PTPRJ: variants seen among roughly 807,000 people sequenced by gnomAD.
The protein encoded by PTPRJ is receptor-type tyrosine-protein phosphatase eta.
Under a neutral mutation model 141.3 loss-of-function variants are expected in PTPRJ, and 129 were observed. That is an observed-to-expected ratio of 0.91 (90% CI 0.79 to 1.06). The LOEUF is 1.06. Among genes scored for constraint, PTPRJ ranks in the 50% least tolerant of loss-of-function variants. The pLI, the probability that PTPRJ is intolerant of heterozygous loss-of-function variation, is 0.00. For synonymous variants in PTPRJ, 610 were observed against 640.5 expected (o/e 0.95, Z 0.72); for missense variants, 1,601 against 1,679.7 (o/e 0.95, Z 0.82).
Position 47,980,688 on chromosome 11 carries a change from C to G in PTPRJ, c.-225C>G, listed in dbSNP as rs980435369. The G allele has an allele frequency of 3.0e-6, 3 of 989,856 alleles. No individual in the cohort carries two copies. Among genetic ancestry groups the G allele is most frequent in the Non-Finnish European group, 3.6e-6 (3 of 834,280 alleles). The allele number at this position is 989,856 out of a possible 1,614,324, so 61.3% of individuals were successfully genotyped here. A position where few individuals can be genotyped will look rare whatever the true frequency, so the allele number is the denominator to read the frequency against. ...AGCCCCTGCGCGCTCAGGGACGCGG[C>G]CCCCCCGCGGCAGCCGCGCTAGGCT... On this transcript the variant is annotated 5_prime_UTR_variant, in exon 1 of 25. Transcript: ENST00000418331.
intron 1 of PTPRJ, among the ~76,000 whole-genome samples, chr11:48,083,880 C>G (rs1460194473): frequency 6.6e-6 from 1 of 152,186 alleles, no homozygotes; most frequent in African/African-American, 2.4e-5. Flanking sequence ...TCTGTGAGGT[C>G]TGTGAGGTCA....
In PTPRJ at chr11:48,094,900, T is replaced by C. The variant is rs2134304032; in HGVS notation, c.97-15158T>C. 2.0e-5 allele frequency among the ~76,000 whole-genome samples: 3 copies of C among 152,274 alleles called. No individual in the cohort carries two copies. In the South Asian group the frequency reaches 6.2e-4, roughly 32 times the overall value. ...TAAGTTCTGGGTAGTGATGGGTCTT[T>C]GGAGGGGCAGCCCTTTCTGCCATGT... On this transcript the variant is annotated intron_variant, in intron 1 of 24. Transcript: ENST00000418331.
At chr11:48,054,615 C>T (rs1358463114) in intron 1 of PTPRJ, among the ~76,000 whole-genome samples, 1 of 152,022 alleles carries the variant, frequency 6.6e-6, no homozygotes, top group African/African-American at 2.4e-5. Flanking sequence ...TCTCTGTGGT[C>T]TTGCCCACGG....
chr11:47,990,640 G>C (rs1341824939), intron 1 of PTPRJ, among the ~76,000 whole-genome samples: 2 of 150,830 alleles, frequency 1.3e-5, no homozygotes, highest in East Asian at 3.9e-4. Context: ...TGGAACTGCT[G>C]ACCTCAAGTG....
At chr11:48,112,607 G>A (rs1392993463) in intron 2 of PTPRJ, 140 bp from the exon 3 acceptor site, 22 of 677,652 alleles carry the variant, frequency 3.2e-5, no homozygotes, top group Admixed American at 1.6e-4. Flanking sequence ...TGTTGTAGGT[G>A]ATGATACAAA....
intron 1 of PTPRJ, among the ~76,000 whole-genome samples, chr11:48,046,904 ATATATATATTTTT>A (rs1247204765): frequency 1.3e-4 from 12 of 93,088 alleles, no homozygotes; most frequent in African/African-American, 5.8e-4. Context: ...ATATATATAT[ATATATATATTTTT>A]TTTTTTTTTT....
chr11:48,145,551 A>G (rs1480636710), intron 14 of PTPRJ, among the ~76,000 whole-genome samples: 1 of 108,608 alleles, frequency 9.2e-6, no homozygotes, highest in Non-Finnish European at 1.9e-5. Context: ...TGTTTATTTT[A>G]TTTTATGTTT....
rs535290947 is a variant in PTPRJ, at chr11:48,079,889, A to G, written c.97-30169A>G. 1.1e-4 allele frequency among the ~76,000 whole-genome samples: 16 copies of G among 152,266 alleles called. No individual in the cohort carries two copies. The South Asian group carries it at 1.5e-3, about 14-fold the overall frequency. On this transcript the variant is annotated intron_variant, in intron 1 of 24. Transcript: ENST00000418331. The stretch of plus-strand genomic sequence containing the variant: ...CTGCCCACTGAACTCTCTAAATGTT[A>G]AAAGATACAAAGAGGAAGCACAGAG...
intron 19 of PTPRJ, among the ~76,000 whole-genome samples, chr11:48,154,252 C>A (rs1214790766): frequency 6.6e-6 from 1 of 152,194 alleles, no homozygotes; most frequent in East Asian, 1.9e-4. Context: ...TGTTCTTAAC[C>A]CCTCTGTCTC....
Position 48,129,310 on chromosome 11 carries a change from A to C in PTPRJ, c.1358-1149A>C, listed in dbSNP as rs143422163. 2.0e-5 allele frequency among the ~76,000 whole-genome samples: 3 copies of C among 152,328 alleles called. No individual in the cohort carries two copies. In the East Asian group the frequency reaches 5.8e-4, roughly 29 times the overall value. On this transcript the variant is annotated intron_variant, in intron 7 of 24. Coordinates refer to ENST00000418331, the MANE Select transcript of PTPRJ (RefSeq NM_002843.4). ...GAGGCTGAAGGTCAAAGATTAAGGCAACGGCAGGTGTGGTTTCTTCTGAGG... is the reference window on the plus strand; with the variant it reads ...GAGGCTGAAGGTCAAAGATTAAGGCCACGGCAGGTGTGGTTTCTTCTGAGG...
chr11:48,032,901 G>A (rs1854020787), intron 1 of PTPRJ, among the ~76,000 whole-genome samples: 1 of 152,094 alleles, frequency 6.6e-6, no homozygotes, highest in Admixed American at 6.5e-5. Flanking sequence ...GCTTACGTTT[G>A]GTGGAAGAGA....
chr11:48,109,927 C>T (rs569270091), intron 1 of PTPRJ, 131 bp from the exon 2 acceptor site: 7 of 1,004,596 alleles, frequency 7.0e-6, no homozygotes, highest in Non-Finnish European at 1.1e-5. Flanking sequence ...TAACCCTGAC[C>T]AGCAGACCTT....
intron 1 of PTPRJ, among the ~76,000 whole-genome samples, chr11:48,008,945 G>A (rs1451261885): frequency 1.3e-5 from 2 of 152,228 alleles, no homozygotes; most frequent in African/African-American, 4.8e-5. Flanking sequence ...AAACTGGGGG[G>A]TGGGTTGGGA....
At chr11:48,026,957 C>T (rs1019356165) in intron 1 of PTPRJ, among the ~76,000 whole-genome samples, 1 of 149,958 alleles carries the variant, frequency 6.7e-6, no homozygotes, top group African/African-American at 2.5e-5. Context: ...AAATAAGGCT[C>T]CATGACAATG....
At chr11:47,996,334 CA>C (rs1292092161) in intron 1 of PTPRJ, among the ~76,000 whole-genome samples, 202 of 56,204 alleles carry the variant, frequency 3.6e-3, no homozygotes, top group South Asian at 5.9e-3. Context: ...GACTCTGTCT[CA>C]AAAAAAAAAA....
At chr11:48,159,880 G>A (rs1857721561) in intron 21 of PTPRJ, 50 bp from the exon 22 acceptor site, 2 of 1,606,068 alleles carry the variant, frequency 1.2e-6, no homozygotes, top group African/African-American at 1.3e-5. Flanking sequence ...TTTTAGTGAT[G>A]GCAGATGGCA....
chr11:48,011,826 T>C (rs1350105289), intron 1 of PTPRJ, among the ~76,000 whole-genome samples: 2 of 152,074 alleles, frequency 1.3e-5, no homozygotes, highest in Non-Finnish European at 2.9e-5. Context: ...CACACCTGGC[T>C]AATTAAAAAC....
chr11:48,065,060 G>A (rs1855049820), intron 1 of PTPRJ, among the ~76,000 whole-genome samples: 1 of 143,650 alleles, frequency 7.0e-6, no homozygotes, highest in Non-Finnish European at 1.5e-5. Flanking sequence ...TGTTGCCCAG[G>A]CTGGAGTGCA....
At chr11:48,077,816 G>C (rs940149051) in intron 1 of PTPRJ, among the ~76,000 whole-genome samples, 2 of 152,238 alleles carry the variant, frequency 1.3e-5, no homozygotes, top group Non-Finnish European at 1.5e-5. Context: ...TCCCCAGCTG[G>C]TTGCTTTGTT....
Sources: gnomAD v4.1 joint callset for allele counts (sites outside exome capture counted in the v4.1 genomes callset) on GRCh38, gnomAD v4.1.1 for gene constraint, MANE v1.5 for transcripts, NCBI Gene and HGNC (gene_info 2026-07-23, HGNC 2026-07-21) for gene names.